SLIT3: variants seen among roughly 807,000 people sequenced by gnomAD.
SLIT3 encodes the protein slit homolog 3 protein.
SLIT3 carries 68 observed loss-of-function variants against 184.0 expected under a neutral mutation model. That is an observed-to-expected ratio of 0.37 (90% CI 0.30 to 0.45). The LOEUF is 0.45. SLIT3 is among the 20% of genes least tolerant of loss of function. The pLI, the probability that SLIT3 is intolerant of heterozygous loss-of-function variation, is 1.00. For missense variants in SLIT3, 1,707 were observed against 2,026.0 expected (o/e 0.84, Z 3.02); for synonymous variants, 831 against 828.6 (o/e 1.00, Z -0.05).
intron 4 of SLIT3, among the ~76,000 whole-genome samples, chr5:168,972,891 G>A (rs142591307): frequency 7.9e-5 from 12 of 152,108 alleles, no homozygotes; most frequent in East Asian, 5.8e-4. Flanking sequence ...CAGTCCTTCC[G>A]TCCCCCCAGG....
chr5:169,270,202 T>C (rs185701988), intron 1 of SLIT3, among the ~76,000 whole-genome samples: 1 of 151,666 alleles, frequency 6.6e-6, no homozygotes, highest in African/African-American at 2.4e-5. Flanking sequence ...CCTGAAAGAG[T>C]ATACAGTAAT....
chr5:168,833,004 A>G (rs1258324349), intron 6 of SLIT3, among the ~76,000 whole-genome samples: 1 of 152,152 alleles, frequency 6.6e-6, no homozygotes, highest in African/African-American at 2.4e-5. Context: ...CTACACTGCA[A>G]CTCCCAAAGG....
chr5:168,932,233 GAC>G (rs1459183663), intron 4 of SLIT3, among the ~76,000 whole-genome samples: 1 of 147,316 alleles, frequency 6.8e-6, no homozygotes, highest in East Asian at 2.0e-4. Context: ...ACCCATTCCT[GAC>G]ACAGTTTTTT....
chr5:168,917,641 T>G lies in SLIT3; in HGVS notation c.414-34305A>C, dbSNP rs577941362. Among the ~76,000 whole-genome samples the G allele has an allele frequency of 1.2e-4, 18 of 152,298 alleles. No individual in the cohort carries two copies. The East Asian group carries it at 2.5e-3, about 21-fold the overall frequency. On this transcript the variant is annotated intron_variant, in intron 4 of 35. Transcript: ENST00000519560. ...CCTTCTCTCTAAAACCTGGAGTCTG[T>G]TGTAATGTTTCCTATTTCCCATCAA...
Position 169,281,558 on chromosome 5 carries a change from C to A in SLIT3, c.197+18955G>T, listed in dbSNP as rs191784015. Among the ~76,000 whole-genome samples the A allele has an allele frequency of 1.3e-3, 191 of 152,302 alleles. 1 individual carries two copies. Among genetic ancestry groups the A allele is most frequent in the African/African-American group, 4.3e-3 (178 of 41,556 alleles). ...TTGCGGTTCCTTTCTTAAAACCACA[C>A]TGTGTTGTATGCATATATGTATGTA... On this transcript the variant is annotated intron_variant, in intron 1 of 35. Transcript: ENST00000519560.
chr5:168,689,861 A>G (rs1411335272), intron 29 of SLIT3, among the ~76,000 whole-genome samples: 1 of 152,214 alleles, frequency 6.6e-6, no homozygotes, highest in Non-Finnish European at 1.5e-5. Context: ...TGGAAGAATA[A>G]TTTTTGATTT....
chr5:169,153,957 T>C (rs955635223), intron 4 of SLIT3, among the ~76,000 whole-genome samples: 5 of 151,296 alleles, frequency 3.3e-5, no homozygotes, highest in East Asian at 1.9e-4. Context: ...ACAGACTCCC[T>C]TGATGCTCCC....
chr5:169,065,664 C>T (rs1758328150), intron 4 of SLIT3, among the ~76,000 whole-genome samples: 1 of 152,204 alleles, frequency 6.6e-6, no homozygotes, highest in African/African-American at 2.4e-5. Flanking sequence ...CCTGGGAGCA[C>T]TGCTATTCCC....
intron 26 of SLIT3, among the ~76,000 whole-genome samples, chr5:168,703,813 G>T (rs141499945): frequency 1.3e-5 from 2 of 151,822 alleles, no homozygotes; most frequent in African/African-American, 2.4e-5. Flanking sequence ...TTAGCTGGGC[G>T]TGGTGGTGGG....
intron 12 of SLIT3, among the ~76,000 whole-genome samples, chr5:168,779,757 G>A (rs1170957866): frequency 6.6e-6 from 1 of 152,252 alleles, no homozygotes; most frequent in Admixed American, 6.5e-5. Context: ...TCTGCTAGGG[G>A]ACCGGGGCTG....
intron 20 of SLIT3, among the ~76,000 whole-genome samples, chr5:168,747,180 C>T (rs967885866): frequency 5.3e-5 from 8 of 152,284 alleles, no homozygotes; most frequent in South Asian, 2.1e-4. Flanking sequence ...CAGATTGCGG[C>T]TCTAGCATCA....
intron 4 of SLIT3, among the ~76,000 whole-genome samples, chr5:168,898,138 C>T (rs759215262): frequency 2.0e-5 from 3 of 151,014 alleles, no homozygotes; most frequent in African/African-American, 4.8e-5. Flanking sequence ...CAGAATATAT[C>T]GATTCCTGCC....
chr5:169,300,804 A>G lies in SLIT3; in HGVS notation c.-95T>C. 3 of 1,203,114 alleles carry G rather than the reference A, an allele frequency of 2.5e-6. No homozygotes were observed. Among genetic ancestry groups the G allele is most frequent in the Non-Finnish European group, 3.1e-6 (3 of 964,562 alleles). 74.5% of individuals were successfully genotyped at this position (1,203,114 alleles called of 1,614,324 possible). ...CGCGGGGAGCGCGGGCGGCCTGGGGAGCGGGCGGCGGAGTTAGCGCGGAGG... is the reference window on the plus strand; with the variant it reads ...CGCGGGGAGCGCGGGCGGCCTGGGGGGCGGGCGGCGGAGTTAGCGCGGAGG... On this transcript the variant is annotated 5_prime_UTR_variant, in exon 1 of 36. Transcript: ENST00000519560. The surrounding 1 kb of genome is among the most constrained non-coding windows in gnomAD (Gnocchi z 4.1).
At chr5:168,892,911 C>T (rs1760520707) in intron 4 of SLIT3, among the ~76,000 whole-genome samples, 2 of 152,216 alleles carry the variant, frequency 1.3e-5, no homozygotes, top group Admixed American at 1.3e-4. Flanking sequence ...GGGGAGCTCT[C>T]ATTATCAGCC....
intron 4 of SLIT3, among the ~76,000 whole-genome samples, chr5:169,077,203 G>GT (rs1758779163): frequency 1.3e-5 from 2 of 152,114 alleles, no homozygotes; most frequent in Non-Finnish European, 2.9e-5. Flanking sequence ...TCTTCCTTGT[G>GT]TTTTTCCTAA....
At chr5:168,707,779 C>G in intron 26 of SLIT3, 197 bp downstream of exon 26, 1 of 583,462 alleles carries the variant, frequency 1.7e-6, no homozygotes, top group Non-Finnish European at 3.0e-6. Flanking sequence ...GGGGGCCTCT[C>G]TGACTGGCAG....
chr5:168,865,643 G>T (rs902926758), intron 5 of SLIT3, among the ~76,000 whole-genome samples: 4 of 152,054 alleles, frequency 2.6e-5, no homozygotes, highest in African/African-American at 7.2e-5. Flanking sequence ...GCTATTCACT[G>T]GTCAAGATAA....
At chr5:168,697,147 C>G (rs572677343) in intron 27 of SLIT3, among the ~76,000 whole-genome samples, 1 of 152,344 alleles carries the variant, frequency 6.6e-6, no homozygotes, top group African/African-American at 2.4e-5. Flanking sequence ...GATGCCATTT[C>G]TTCCCATCAT....
intron 4 of SLIT3, among the ~76,000 whole-genome samples, chr5:169,132,514 C>A (rs1043980841): frequency 3.3e-5 from 5 of 152,114 alleles, no homozygotes; most frequent in African/African-American, 1.2e-4. Context: ...TTGCCTGGCA[C>A]TCAAGGGAAA....
Sources: gnomAD v4.1 joint callset for allele counts (sites outside exome capture counted in the v4.1 genomes callset) on GRCh38, gnomAD v4.1.1 for gene constraint, Gnocchi (gnomAD v3.1) non-coding constraint, MANE v1.5 for transcripts, NCBI Gene and HGNC (gene_info 2026-07-23, HGNC 2026-07-21) for gene names.